ZFPM2: variants seen among roughly 807,000 people sequenced by gnomAD.
The protein encoded by ZFPM2 is zinc finger protein, FOG family member 2, also known as zinc finger protein ZFPM2.
In ZFPM2, 20 loss-of-function variants were observed where a neutral mutation model predicts 98.6. The observed-to-expected ratio is 0.20, with a 90% CI of 0.14 to 0.29. The LOEUF is 0.29. Ranked by LOEUF, ZFPM2 falls within the 10% of genes least tolerant of loss-of-function variation. The probability of loss-of-function intolerance (pLI) is 1.00; values close to 1 mark genes in which losing one functional copy is unlikely to be tolerated. For missense variants in ZFPM2, 1,310 were observed against 1,388.6 expected (o/e 0.94, Z 0.90); for synonymous variants, 518 against 502.7 (o/e 1.03, Z -0.41).
intron 4 of ZFPM2, among the ~76,000 whole-genome samples, chr8:105,594,723 A>G (rs1455791814): frequency 6.6e-6 from 1 of 152,086 alleles, no homozygotes; most frequent in African/African-American, 2.4e-5. Flanking sequence ...CTTTAATTTT[A>G]TACTACCTCC....
rs892020444 is a variant in ZFPM2 at position 105,398,284 on chromosome 8, A to G, written c.41-20860A>G. ...ATATATTGAACACTTCTCTGTGTCC[A>G]TCAGCATTCCTCTGAAACAGATTTT... On this transcript the variant is annotated intron_variant, in intron 1 of 7. Coordinates refer to ENST00000407775, the MANE Select transcript of ZFPM2 (RefSeq NM_012082.4). Among the ~76,000 whole-genome samples, 6 of 152,192 alleles carry G rather than the reference A, an allele frequency of 3.9e-5. No individual in the cohort carries two copies. The South Asian group carries it at 6.2e-4, about 16-fold the overall frequency.
intron 3 of ZFPM2, among the ~76,000 whole-genome samples, chr8:105,459,084 C>T (rs534461924): frequency 3.9e-4 from 59 of 151,806 alleles, no homozygotes; most frequent in African/African-American, 1.4e-3. Context: ...TTCTTTTTTT[C>T]TTTCTCTGAG....
intron 3 of ZFPM2, among the ~76,000 whole-genome samples, chr8:105,489,021 T>C (rs977689942): frequency 6.6e-6 from 1 of 152,176 alleles, no homozygotes; most frequent in Non-Finnish European, 1.5e-5. Flanking sequence ...TTAAGAACCT[T>C]AAGAACTACC....
chr8:105,747,238 C>A (rs1310740632), intron 5 of ZFPM2, among the ~76,000 whole-genome samples: 3 of 152,000 alleles, frequency 2.0e-5, no homozygotes, highest in Non-Finnish European at 4.4e-5. Context: ...TTGATAATAA[C>A]ATTTCCAAAT....
chr8:105,393,390 C>CTTTCTTTCCTTTCTTTT (rs1554600712), intron 1 of ZFPM2, among the ~76,000 whole-genome samples: 1 of 134,516 alleles, frequency 7.4e-6, no homozygotes, highest in East Asian at 2.1e-4. Context: ...TTCTTTCTTT[C>CTTTCTTTCCTTTCTTTT]TTCTTCAGAA....
At chr8:105,700,230 T>C (rs1811111121) in intron 5 of ZFPM2, among the ~76,000 whole-genome samples, 1 of 152,218 alleles carries the variant, frequency 6.6e-6, no homozygotes. Flanking sequence ...AACCAGTGGC[T>C]ATGGATTTTG....
intron 3 of ZFPM2, among the ~76,000 whole-genome samples, chr8:105,480,440 T>A (rs1813092290): frequency 6.6e-6 from 1 of 152,192 alleles, no homozygotes; most frequent in South Asian, 2.1e-4. Flanking sequence ...GTCACCAGTA[T>A]CATTGTAGAG....
At chr8:105,550,330 TG>T (rs1814821749) in intron 3 of ZFPM2, among the ~76,000 whole-genome samples, 1 of 152,194 alleles carries the variant, frequency 6.6e-6, no homozygotes, top group Admixed American at 6.5e-5. Flanking sequence ...GATATGATAG[TG>T]GGTTTGAGGT....
intron 3 of ZFPM2, among the ~76,000 whole-genome samples, chr8:105,511,330 C>A (rs1470740534): frequency 6.6e-6 from 1 of 152,170 alleles, no homozygotes; most frequent in Non-Finnish European, 1.5e-5. Flanking sequence ...GGTAAATAAC[C>A]GATGATGTAT....
At chr8:105,496,671 TGG>T (rs1269022118) in intron 3 of ZFPM2, among the ~76,000 whole-genome samples, 9 of 124,442 alleles carry the variant, frequency 7.2e-5, no homozygotes, top group African/African-American at 2.8e-4. Context: ...TTTGTTTTTT[TGG>T]TTTTTTTTTT....
At position 105,597,937 on chromosome 8, in the gene ZFPM2, CA is replaced by C. The variant is rs564845406; in HGVS notation, c.421-36305del. Among the ~76,000 whole-genome samples the C allele has an allele frequency of 2.1e-4, 32 of 151,804 alleles. No individual in the cohort carries two copies. The South Asian group carries it at 6.2e-3, about 30-fold the overall frequency. On this transcript the variant is annotated intron_variant, in intron 4 of 7. Coordinates refer to ENST00000407775, the MANE Select transcript of ZFPM2 (RefSeq NM_012082.4). ...AGGTGTGAGACATCAGATGAGAACT[CA>C]AAAGGATTAAATTCTGCTGGGGATT...
chr8:105,732,295 C>T (rs1368389221), intron 5 of ZFPM2, among the ~76,000 whole-genome samples: 2 of 151,774 alleles, frequency 1.3e-5, no homozygotes, highest in African/African-American at 4.8e-5. Context: ...GTACTCTCTC[C>T]TTCTTAATCT....
chr8:105,472,207 T>A (rs1424566850), intron 3 of ZFPM2, among the ~76,000 whole-genome samples: 1 of 152,160 alleles, frequency 6.6e-6, no homozygotes, highest in African/African-American at 2.4e-5. Context: ...AGTACATAGT[T>A]TTAAGAATAA....
At chr8:105,522,029 A>G (rs1814074788) in intron 3 of ZFPM2, among the ~76,000 whole-genome samples, 1 of 152,236 alleles carries the variant, frequency 6.6e-6, no homozygotes. Context: ...TCATCCAGAT[A>G]TTGTTTCATG....
At chr8:105,473,169 G>T (rs760394194) in intron 3 of ZFPM2, among the ~76,000 whole-genome samples, 2 of 152,032 alleles carry the variant, frequency 1.3e-5, no homozygotes, top group Non-Finnish European at 2.9e-5. Context: ...CCAGTGTGCT[G>T]GGATTACAGG....
chr8:105,343,555 G>T (rs1176560639), intron 1 of ZFPM2, among the ~76,000 whole-genome samples: 1 of 152,100 alleles, frequency 6.6e-6, no homozygotes, highest in African/African-American at 2.4e-5. Flanking sequence ...TCCAGAGGGT[G>T]CTCTGGGTCT....
chr8:105,693,152 T>C (rs528403516), intron 5 of ZFPM2, among the ~76,000 whole-genome samples: 1 of 152,326 alleles, frequency 6.6e-6, no homozygotes, highest in African/African-American at 2.4e-5. Flanking sequence ...ACTCTGTTTT[T>C]CCATCATAAA....
intron 5 of ZFPM2, among the ~76,000 whole-genome samples, chr8:105,650,277 A>G (rs555790642): frequency 4.6e-5 from 7 of 151,500 alleles, no homozygotes; most frequent in African/African-American, 1.5e-4. Flanking sequence ...TTCCTTCTTT[A>G]TTAGTCTTGC....
chr8:105,700,157 A>C (rs1486242527), intron 5 of ZFPM2, among the ~76,000 whole-genome samples: 1 of 152,218 alleles, frequency 6.6e-6, no homozygotes, highest in Non-Finnish European at 1.5e-5. Context: ...TCGGCAAAGC[A>C]AGAGGGCCTA....
Sources: allele counts gnomAD v4.1 joint callset (sites outside exome capture counted in the v4.1 genomes callset), GRCh38; gene constraint gnomAD v4.1.1; transcripts MANE v1.5; gene names NCBI Gene and HGNC (gene_info 2026-07-23, HGNC 2026-07-21).